ATP9B: variants seen among roughly 807,000 people sequenced by gnomAD.
ATP9B encodes ATPase phospholipid transporting 9B.
Under a neutral mutation model 146.1 loss-of-function variants are expected in ATP9B, and 110 were observed. That is an observed-to-expected ratio of 0.75 (90% CI 0.65 to 0.88). The LOEUF is 0.88. ATP9B is among the 40% of genes least tolerant of loss of function. ATP9B has a pLI of 0.00. For missense variants in ATP9B, 1,499 were observed against 1,496.4 expected, an observed-to-expected ratio of 1.00 and a Z score of -0.03; for synonymous variants, 604 against 569.7, an observed-to-expected ratio of 1.06 and a Z score of -0.86.
chr18:79,350,507 C>T (rs930175968), intron 25 of ATP9B, among the ~76,000 whole-genome samples: 7 of 152,210 alleles, frequency 4.6e-5, no homozygotes, highest in Non-Finnish European at 8.8e-5. Context: ...CAGCACTGTG[C>T]GTCCATGGTG....
At chr18:79,100,034 G>A (rs1195250422) in intron 2 of ATP9B, among the ~76,000 whole-genome samples, 1 of 152,146 alleles carries the variant, frequency 6.6e-6, no homozygotes, top group Non-Finnish European at 1.5e-5. Flanking sequence ...CTGAGGCACA[G>A]GAGAATCACT....
intron 11 of ATP9B, among the ~76,000 whole-genome samples, chr18:79,236,920 C>T (rs1287763258): frequency 1.1e-5 from 1 of 94,340 alleles, no homozygotes; most frequent in Non-Finnish European, 2.1e-5. Context: ...GTACACAGTC[C>T]GTGCACGAGT....
intron 5 of ATP9B, 100 bp downstream of exon 5, chr18:79,126,475 G>C: frequency 1.2e-6 from 1 of 810,124 alleles, no homozygotes; most frequent in Non-Finnish European, 1.9e-6. Context: ...TTCTATTATT[G>C]AAAATAGTAT....
At chr18:79,346,728 C>G (rs1312932457) in intron 23 of ATP9B, among the ~76,000 whole-genome samples, 1 of 152,196 alleles carries the variant, frequency 6.6e-6, no homozygotes, top group Non-Finnish European at 1.5e-5. Flanking sequence ...CAGTGCATGC[C>G]TGGTCATTTT....
chr18:79,272,279 A>T (rs976161932), intron 12 of ATP9B, among the ~76,000 whole-genome samples: 2 of 152,218 alleles, frequency 1.3e-5, no homozygotes, highest in Middle Eastern at 3.2e-3. Flanking sequence ...ATCAAATAGC[A>T]TGCTTCCATG....
intron 8 of ATP9B, among the ~76,000 whole-genome samples, chr18:79,188,730 TC>T (rs1395638264): frequency 6.6e-6 from 1 of 152,172 alleles, no homozygotes; most frequent in Non-Finnish European, 1.5e-5. Context: ...ATGAGTAGTT[TC>T]TTCTCTCTTT....
chr18:79,350,483 G>A (rs530697256), intron 25 of ATP9B, among the ~76,000 whole-genome samples: 26 of 152,298 alleles, frequency 1.7e-4, no homozygotes, highest in Non-Finnish European at 3.4e-4. Context: ...GCCCCAGTAT[G>A]AGGTAGCACA....
intron 12 of ATP9B, among the ~76,000 whole-genome samples, chr18:79,275,974 A>G (rs1406863907): frequency 6.6e-6 from 1 of 152,196 alleles, no homozygotes; most frequent in Admixed American, 6.5e-5. Flanking sequence ...GTGATTCCTA[A>G]AGACTATTTT....
intron 14 of ATP9B, among the ~76,000 whole-genome samples, chr18:79,306,689 A>G (rs1237632708): frequency 2.0e-5 from 3 of 152,278 alleles, no homozygotes; most frequent in Non-Finnish European, 4.4e-5. Context: ...AGTTAAGGAC[A>G]TAGCAAATTA....
chr18:79,346,988 G>A (rs1041679706), intron 23 of ATP9B, among the ~76,000 whole-genome samples: 20 of 152,328 alleles, frequency 1.3e-4, no homozygotes, highest in East Asian at 3.9e-4. Flanking sequence ...TGCTGTTGGC[G>A]GACTGGCGTA....
intron 1 of ATP9B, among the ~76,000 whole-genome samples, chr18:79,092,065 C>T (rs2074367931): frequency 6.6e-6 from 1 of 152,038 alleles, no homozygotes; most frequent in Admixed American, 6.6e-5. Context: ...ACTTGGCTTT[C>T]TTTTGACTAG....
intron 17 of ATP9B, among the ~76,000 whole-genome samples, chr18:79,331,332 A>C (rs966934882): frequency 6.6e-6 from 1 of 152,230 alleles, no homozygotes; most frequent in Non-Finnish European, 1.5e-5. Flanking sequence ...CTCCCTGAAG[A>C]CCTAGTAAAA....
At chr18:79,233,759 C>T (rs931029056) in intron 11 of ATP9B, among the ~76,000 whole-genome samples, 14 of 152,280 alleles carry the variant, frequency 9.2e-5, no homozygotes, top group Admixed American at 1.3e-4. Context: ...TTGACTCTCC[C>T]CAAATTTAAC....
rs569726473 is a variant in ATP9B, at chr18:79,231,803, T to TATACAC, written c.1107+17766_1107+17767insTACACA. On this transcript the variant is annotated intron_variant, in intron 11 of 29. Transcript: ENST00000426216. Reference sequence around the variant, plus strand: ...GTATATATATATATATATATATATATACACACACACACCATGGAATACTGC... The same window carrying TATACAC: ...GTATATATATATATATATATATATATATACACACACACACACACCATGGAATACTGC... Among the ~76,000 whole-genome samples, 583 of 114,734 alleles carry TATACAC rather than the reference T, an allele frequency of 5.1e-3. 4 individuals carry two copies. The highest frequency in any genetic ancestry group is 0.011 in the South Asian group (33 of 3,090). The allele number at this position is 114,734 out of a possible 152,430, so 75.3% of individuals were successfully genotyped here.
chr18:79,311,654 TA>T (rs1322746158), intron 15 of ATP9B, among the ~76,000 whole-genome samples: 1 of 152,226 alleles, frequency 6.6e-6, no homozygotes, highest in African/African-American at 2.4e-5. Flanking sequence ...TGTAAGAACC[TA>T]AAGGATGGTG....
chr18:79,196,944 TA>T (rs2095422880), intron 9 of ATP9B, among the ~76,000 whole-genome samples: 1 of 152,174 alleles, frequency 6.6e-6, no homozygotes, highest in South Asian at 2.1e-4. Flanking sequence ...GACAGAAAGG[TA>T]GGAGAGGCAT....
At chr18:79,288,754 A>G (rs555599633) in intron 13 of ATP9B, among the ~76,000 whole-genome samples, 1 of 152,140 alleles carries the variant, frequency 6.6e-6, no homozygotes. Context: ...GGCTGGTACC[A>G]GTTGTTCCTT....
At chr18:79,317,207 G>T (rs928062035) in intron 15 of ATP9B, among the ~76,000 whole-genome samples, 3 of 152,088 alleles carry the variant, frequency 2.0e-5, no homozygotes, top group Non-Finnish European at 4.4e-5. Context: ...AAAAAGTTTG[G>T]CAATGATGTC....
intron 14 of ATP9B, 142 bp downstream of exon 14, chr18:79,303,858 A>G (rs2096606672): frequency 5.4e-6 from 3 of 554,508 alleles, no homozygotes; most frequent in African/African-American, 1.9e-5. Context: ...GTCTGTTCGA[A>G]TATACGAATC....
Sources: gnomAD v4.1 joint callset for allele counts (sites outside exome capture counted in the v4.1 genomes callset) on GRCh38, gnomAD v4.1.1 for gene constraint, MANE v1.5 for transcripts, NCBI Gene and HGNC (gene_info 2026-07-23, HGNC 2026-07-21) for gene names.